Variants in DCAF7 observed in about 807,000 individuals in gnomAD.
DCAF7 encodes DDB1 and CUL4 associated factor 7.
In DCAF7, 4 loss-of-function variants were observed where a neutral mutation model predicts 41.2. The observed-to-expected ratio is 0.10, with a 90% CI of 0.05 to 0.22. The LOEUF is 0.22. Ranked by LOEUF, DCAF7 falls within the 10% of genes least tolerant of loss-of-function variation. DCAF7 has a pLI of 1.00. For missense variants in DCAF7, 131 were observed against 443.2 expected (o/e 0.30, Z 6.32); for synonymous variants, 143 against 164.2 (o/e 0.87, Z 0.99).
Position 63,589,945 on chromosome 17 carries a change from G to C in DCAF7, c.*773G>C, listed in dbSNP as rs922828672. The C allele has an allele frequency of 6.5e-6, 1 of 152,764 alleles. No individual in the cohort carries two copies. Among genetic ancestry groups the C allele is most frequent in the Non-Finnish European group, 1.5e-5 (1 of 68,168 alleles). The allele number at this position is 152,764 out of a possible 1,614,324, so 9.5% of individuals were successfully genotyped here. The stretch of plus-strand genomic sequence containing the variant: ...CTGGGCTTGTAAACAGACATAGGAA[G>C]CCTCTGTTTACCCTGAAGCACCACT... On this transcript the variant is annotated 3_prime_UTR_variant, in exon 7 of 7. Transcript: ENST00000614556.
At chr17:63,577,270 C>T (rs960694971) in intron 1 of DCAF7, among the ~76,000 whole-genome samples, 4 of 152,172 alleles carry the variant, frequency 2.6e-5, no homozygotes, top group African/African-American at 4.8e-5. Flanking sequence ...TTATATGCAA[C>T]TATACCTAAC....
intron 1 of DCAF7, among the ~76,000 whole-genome samples, chr17:63,565,968 G>A (rs2033436254): frequency 6.6e-6 from 1 of 152,086 alleles, no homozygotes; most frequent in South Asian, 2.1e-4. Flanking sequence ...GGGCATGGTG[G>A]TGTGTACCTA....
In DCAF7 at chr17:63,581,232, C is replaced by T. The variant is rs765720991; in HGVS notation, c.528+1289C>T. The stretch of plus-strand genomic sequence containing the variant: ...CCCTCTTGGCATCAAGTTGAACAAG[C>T]GGCTACATTTTAGTTATATGACAAC... On this transcript the variant is annotated intron_variant, in intron 4 of 6. Transcript: ENST00000614556. Among the ~76,000 whole-genome samples, 4 of 152,218 alleles carry T rather than the reference C, an allele frequency of 2.6e-5. No homozygotes were observed. In the East Asian group the frequency reaches 7.7e-4, roughly 29 times the overall value.
At chr17:63,551,526 C>G (rs1023110537) in intron 1 of DCAF7, among the ~76,000 whole-genome samples, 6 of 152,108 alleles carry the variant, frequency 3.9e-5, no homozygotes, top group Non-Finnish European at 8.8e-5. Context: ...TCTTGCTGGA[C>G]ATACATCAAT....
intron 1 of DCAF7, among the ~76,000 whole-genome samples, chr17:63,561,596 G>A (rs139477332): frequency 6.6e-6 from 1 of 152,220 alleles, no homozygotes; most frequent in East Asian, 1.9e-4. Context: ...CACCATGCCT[G>A]TGGTTTCAGC....
intron 1 of DCAF7, chr17:63,552,440 C>T (rs1044769684): frequency 1.1e-4 from 16 of 152,108 alleles, no homozygotes; most frequent in African/African-American, 3.9e-4. Context: ...ATCTTTAAGT[C>T]CACCCATTGC....
chr17:63,577,559 T>G (rs529475451), intron 1 of DCAF7, among the ~76,000 whole-genome samples: 4 of 152,324 alleles, frequency 2.6e-5, no homozygotes, highest in Admixed American at 2.6e-4. Context: ...GGTGGGACTT[T>G]CTCATCAATG....
chr17:63,583,490 G>T lies in DCAF7; in HGVS notation c.529-12G>T. 1.9e-6 allele frequency: 3 copies of T among 1,612,132 alleles called. No homozygotes were observed. Among genetic ancestry groups the T allele is most frequent in the Non-Finnish European group, 2.5e-6 (3 of 1,178,740 alleles). ...GATCTGAATCTGACTGGAGCTTCTT[G>T]TTCACCAACAGGTCTATGATATTGC... is the stretch of plus-strand genomic sequence containing the variant. On this transcript the variant is annotated splice_polypyrimidine_tract_variant and intron_variant, in intron 4 of 6. Transcript: ENST00000614556.
rs543417688 is a variant in DCAF7 at position 63,551,091 on chromosome 17, T to C, written c.138+276T>C. 4.3e-3 allele frequency among the ~76,000 whole-genome samples: 661 copies of C among 152,270 alleles called. 2 individuals carry two copies. The highest frequency in any genetic ancestry group is 8.1e-3 in the Non-Finnish European group (551 of 68,014). On this transcript the variant is annotated intron_variant, in intron 1 of 6. Coordinates refer to ENST00000614556, the MANE Select transcript of DCAF7 (RefSeq NM_005828.5). ...GCAGCTATTTCGGGGTGGAAACAGG[T>C]CTTAAAACCGGGTTTACGCCCCAAA... is the stretch of plus-strand genomic sequence containing the variant.
chr17:63,571,688 C>A (rs534915706), intron 1 of DCAF7, among the ~76,000 whole-genome samples: 1 of 151,918 alleles, frequency 6.6e-6, no homozygotes, highest in Non-Finnish European at 1.5e-5. Context: ...AAGTCATTAC[C>A]TCTTCTGAAA....
At chr17:63,563,268 G>A (rs1015548455) in intron 1 of DCAF7, among the ~76,000 whole-genome samples, 2 of 152,140 alleles carry the variant, frequency 1.3e-5, no homozygotes, top group South Asian at 4.1e-4. Flanking sequence ...GAACCTCACA[G>A]GTAGTTAAGG....
At chr17:63,563,599 A>G (rs112715291) in intron 1 of DCAF7, among the ~76,000 whole-genome samples, 52 of 152,214 alleles carry the variant, frequency 3.4e-4, no homozygotes, top group African/African-American at 1.2e-3. Flanking sequence ...CTGGAGCTCA[A>G]GAGTTTGAAA....
chr17:63,559,420 C>T (rs9895576), intron 1 of DCAF7, among the ~76,000 whole-genome samples: 45,148 of 92,782 alleles, frequency 0.49, 9,031 homozygotes, highest in Middle Eastern at 0.6. Context: ...TATATATATA[C>T]GTATATATAT....
intron 1 of DCAF7, among the ~76,000 whole-genome samples, chr17:63,576,702 C>A (rs572485409): frequency 7.2e-5 from 11 of 152,106 alleles, no homozygotes; most frequent in African/African-American, 2.7e-4. Flanking sequence ...TCACTTGAGC[C>A]CAGAAGTTCG....
intron 1 of DCAF7, among the ~76,000 whole-genome samples, chr17:63,551,646 C>A (rs1205297894): frequency 1.3e-5 from 2 of 151,950 alleles, no homozygotes; most frequent in Non-Finnish European, 2.9e-5. Context: ...TTTCTTTCTT[C>A]CTTTTACTCA....
Position 63,580,507 on chromosome 17 carries a change from C to CTTTTTTT in DCAF7, c.528+586_528+592dup, listed in dbSNP as rs530801174. ...AACTGAGAAGAGCTATTTGTGATTG[C>CTTTTTTT]TTTTTTTTTTTTTTTTTTTTTTTTT... On this transcript the variant is annotated intron_variant, in intron 4 of 6. Transcript: ENST00000614556. Among the ~76,000 whole-genome samples the CTTTTTTT allele has an allele frequency of 2.1e-4, 9 of 43,896 alleles. 1 individual carries two copies. Among genetic ancestry groups the CTTTTTTT allele is most frequent in the Non-Finnish European group, 3.4e-4 (8 of 23,556 alleles). 28.8% of individuals were successfully genotyped at this position (43,896 alleles called of 152,430 possible). A position where few individuals can be genotyped will look rare whatever the true frequency, so the allele number is the denominator to read the frequency against.
chr17:63,551,100 C>A (rs1006709670), intron 1 of DCAF7, among the ~76,000 whole-genome samples: 5 of 152,186 alleles, frequency 3.3e-5, no homozygotes, highest in Non-Finnish European at 5.9e-5. Context: ...GTCTTAAAAC[C>A]GGGTTTACGC....
At chr17:63,564,798 G>A (rs567691067) in intron 1 of DCAF7, among the ~76,000 whole-genome samples, 3 of 152,216 alleles carry the variant, frequency 2.0e-5, no homozygotes, top group Non-Finnish European at 4.4e-5. Context: ...TTCCCCCACC[G>A]GAGGAGCTAG....
chr17:63,573,905 C>T (rs2033534067), intron 1 of DCAF7, among the ~76,000 whole-genome samples: 1 of 152,104 alleles, frequency 6.6e-6, no homozygotes. Flanking sequence ...CAGCCACCTC[C>T]TTGATCCAGT....
Sources: allele counts gnomAD v4.1 joint callset (sites outside exome capture counted in the v4.1 genomes callset), GRCh38; gene constraint gnomAD v4.1.1; transcripts MANE v1.5; gene names NCBI Gene and HGNC (gene_info 2026-07-23, HGNC 2026-07-21).